The following SGSM1 variants were observed in gnomAD, a reference collection of about 807,000 sequenced individuals.
The protein encoded by SGSM1 is small G protein signaling modulator 1, also known as RUN and TBC1 domain containing 2.
SGSM1 carries 73 observed loss-of-function variants against 133.8 expected under a neutral mutation model. That is an observed-to-expected ratio of 0.55 (90% CI 0.45 to 0.66). The LOEUF is 0.66. Ranked by LOEUF, SGSM1 falls within the 30% of genes least tolerant of loss-of-function variation. The pLI, the probability that SGSM1 is intolerant of heterozygous loss-of-function variation, is 0.00. For synonymous variants in SGSM1, 563 were observed against 573.0 expected (o/e 0.98, Z 0.25); for missense variants, 1,213 against 1,448.1 (o/e 0.84, Z 2.64).
At chr22:24,844,769 A>C in intron 2 of SGSM1, 128 bp from the exon 3 acceptor site, 1 of 661,948 alleles carries the variant, frequency 1.5e-6, no homozygotes. Flanking sequence ...GAAGGAAAGC[A>C]GGTGTCAAAA....
At chr22:24,878,622 A>T (rs1243615625) in intron 13 of SGSM1, among the ~76,000 whole-genome samples, 2 of 152,188 alleles carry the variant, frequency 1.3e-5, no homozygotes, top group Non-Finnish European at 2.9e-5. Context: ...ATCCTCTATG[A>T]GAGTGTACAA....
chr22:24,848,155 A>G (rs917102822), intron 4 of SGSM1, among the ~76,000 whole-genome samples: 3 of 151,490 alleles, frequency 2.0e-5, no homozygotes, highest in Non-Finnish European at 4.4e-5. Context: ...TTGTCTGTCT[A>G]TCTCACTTGA....
chr22:24,873,683 T>G (rs557466579), intron 12 of SGSM1, among the ~76,000 whole-genome samples: 2 of 152,114 alleles, frequency 1.3e-5, no homozygotes, highest in South Asian at 4.1e-4. Context: ...AAACCCTATC[T>G]CTACAAAAAA....
chr22:24,871,815 T>TGGTTGATTTTCTG (rs1392120164), intron 12 of SGSM1, among the ~76,000 whole-genome samples: 6 of 152,170 alleles, frequency 3.9e-5, no homozygotes, highest in African/African-American at 1.4e-4. Context: ...ACCGCATCCT[T>TGGTTGATTTTCTG]GGTTGATTTT....
intron 21 of SGSM1, among the ~76,000 whole-genome samples, chr22:24,906,534 G>A (rs1219728221): frequency 6.6e-6 from 1 of 152,202 alleles, no homozygotes. Flanking sequence ...AAGGTTGCAG[G>A]ATATAAGATC....
At chr22:24,851,625 C>T (rs1930490744) in intron 5 of SGSM1, among the ~76,000 whole-genome samples, 1 of 152,188 alleles carries the variant, frequency 6.6e-6, no homozygotes, top group South Asian at 2.1e-4. Context: ...AGTCCCCCTT[C>T]TCATGAAGTT....
At chr22:24,826,998 CT>C (rs969530651) in intron 2 of SGSM1, among the ~76,000 whole-genome samples, 1 of 152,162 alleles carries the variant, frequency 6.6e-6, no homozygotes, top group African/African-American at 2.4e-5. Context: ...GAGTGCCTCC[CT>C]TGATCTGGCA....
chr22:24,862,609 T>C (rs1931217183), intron 9 of SGSM1, among the ~76,000 whole-genome samples: 1 of 152,182 alleles, frequency 6.6e-6, no homozygotes. Context: ...ATTCATTCAC[T>C]GGATGTTTAC....
intron 21 of SGSM1, among the ~76,000 whole-genome samples, chr22:24,908,518 C>A (rs1315178896): frequency 6.6e-6 from 1 of 151,998 alleles, no homozygotes; most frequent in African/African-American, 2.4e-5. Flanking sequence ...AAAAAGACAA[C>A]CTGGCCAGGC....
intron 5 of SGSM1, among the ~76,000 whole-genome samples, chr22:24,851,477 A>G (rs2147846843): frequency 6.8e-6 from 1 of 147,420 alleles, no homozygotes; most frequent in East Asian, 2.0e-4. Flanking sequence ...AGAGAGAGAG[A>G]GAGAGAGAAA....
chr22:24,860,570 C>T (rs1931065229), intron 9 of SGSM1, among the ~76,000 whole-genome samples: 1 of 151,972 alleles, frequency 6.6e-6, no homozygotes, highest in Admixed American at 6.5e-5. Flanking sequence ...ACCCATCGCC[C>T]TGCCCTCGTG....
rs573819064 is a variant in SGSM1, at chr22:24,885,781, T to C, written c.1642-819T>C. Among the ~76,000 whole-genome samples, 6 of 152,334 alleles carry C rather than the reference T, an allele frequency of 3.9e-5. No homozygotes were observed. The South Asian group carries it at 1.2e-3, about 32-fold the overall frequency. On this transcript the variant is annotated intron_variant, in intron 15 of 24. Coordinates refer to ENST00000400358, the MANE Select transcript of SGSM1 (RefSeq NM_001098497.3). ...CCCTCGCTCTTTTACATCTCTGTGT[T>C]GCGTACCCGTGTAGGGACGCATGTT...
intron 16 of SGSM1, among the ~76,000 whole-genome samples, chr22:24,891,243 C>G (rs1932809482): frequency 6.6e-6 from 1 of 152,136 alleles, no homozygotes; most frequent in African/African-American, 2.4e-5. Context: ...GCTTATAGTC[C>G]TAGCTACTCA....
At chr22:24,806,516 C>G in intron 2 of SGSM1, 32 bp downstream of exon 2, 1 of 1,490,414 alleles carries the variant, frequency 6.7e-7, no homozygotes. Context: ...CTGGGCAGGA[C>G]TCCCCCGGCA....
At chr22:24,854,913 C>T in intron 5 of SGSM1, 83 bp from the exon 6 acceptor site, 3 of 1,084,108 alleles carry the variant, frequency 2.8e-6, no homozygotes, top group Non-Finnish European at 4.2e-6. Context: ...AACCGAGTGA[C>T]ACTGGGGATT....
chr22:24,881,051 G>A (rs1932284926), intron 14 of SGSM1, among the ~76,000 whole-genome samples: 1 of 151,660 alleles, frequency 6.6e-6, no homozygotes, highest in South Asian at 2.1e-4. Context: ...AAATTGGCCG[G>A]GCATGGTGGC....
In SGSM1 at chr22:24,868,394, T is replaced by C; in HGVS notation, c.1013T>C (p.Val338Ala). ...GCGGCAGTTGACAGCGGCGGGACAG[T>C]GGTATTGGTCAGCCAGGACGGGATC... ...CHQQVDSGGT[V>A]VLVSQDGIQR... Residue 338 changes from valine (V) to alanine (A), a missense_variant, in exon 11 of 25, where the codon GTG becomes GCG. Physicochemically the swap from Val to Ala is moderately conservative, Grantham distance 64 (BLOSUM62 0). Coordinates refer to ENST00000400358, the MANE Select transcript of SGSM1 (RefSeq NM_001098497.3). The C allele has an allele frequency of 6.2e-7, 1 of 1,610,984 alleles. No individual in the cohort carries two copies. The highest frequency in any genetic ancestry group is 8.5e-7 in the Non-Finnish European group (1 of 1,178,116).
At chr22:24,865,400 C>T (rs896238275) in intron 9 of SGSM1, among the ~76,000 whole-genome samples, 1 of 152,142 alleles carries the variant, frequency 6.6e-6, no homozygotes, top group East Asian at 1.9e-4. Context: ...TGACTGTCCT[C>T]GAAGGACATT....
rs191112960 is a variant in SGSM1 at position 24,876,023 on chromosome 22, C to T, written c.1292-554C>T. On this transcript the variant is annotated intron_variant, in intron 12 of 24. Transcript: ENST00000400358. ...ATATTGCTTTTTAACAAGCTTCCCACGTGATTTTAGGGAGTTGCTAATATG... is the reference window on the plus strand; with the variant it reads ...ATATTGCTTTTTAACAAGCTTCCCATGTGATTTTAGGGAGTTGCTAATATG... Among the ~76,000 whole-genome samples the T allele has an allele frequency of 1.2e-4, 18 of 152,348 alleles. 1 individual carries two copies. The East Asian group carries it at 3.1e-3, about 26-fold the overall frequency.
Sources: allele counts gnomAD v4.1 joint callset (sites outside exome capture counted in the v4.1 genomes callset), GRCh38; gene constraint gnomAD v4.1.1; transcripts MANE v1.5; gene names NCBI Gene and HGNC (gene_info 2026-07-23, HGNC 2026-07-21).